The following MSN variants were observed in gnomAD, a reference collection of about 807,000 sequenced individuals.
MSN encodes the protein epididymis luminal protein 70.
Under a neutral mutation model 48.0 loss-of-function variants are expected in MSN, and 2 were observed. That is an observed-to-expected ratio of 0.04 (90% CI 0.02 to 0.13). The LOEUF is 0.13. Ranked by LOEUF, MSN falls within the 10% of genes least tolerant of loss-of-function variation. The pLI is 1.00. For synonymous variants in MSN, 146 were observed against 166.9 expected (o/e 0.87, Z 0.97); for missense variants, 267 against 470.1 (o/e 0.57, Z 3.99).
intron 1 of MSN, among the ~76,000 whole-genome samples, chrX:65,603,495 C>T (rs2070254632): frequency 9.0e-6 from 1 of 111,637 alleles, no homozygotes; most frequent in Admixed American, 9.6e-5. Context: ...CTGGAAATGA[C>T]AGATCCAGGT....
intron 1 of MSN, among the ~76,000 whole-genome samples, chrX:65,619,996 G>T (rs2070420167): frequency 9.0e-6 from 1 of 111,671 alleles, no homozygotes; most frequent in South Asian, 3.7e-4. Context: ...CCCTGCTGGG[G>T]GGTGCCTCCC....
At chrX:65,599,754 G>A (rs1352126986) in intron 1 of MSN, among the ~76,000 whole-genome samples, 2 of 111,843 alleles carry the variant, frequency 1.8e-5, no homozygotes, top group South Asian at 3.7e-4. Context: ...GCTAAGCAAG[G>A]TGTCATCTGC....
chrX:65,669,721 T>C (rs2070911548), intron 1 of MSN, among the ~76,000 whole-genome samples: 1 of 111,191 alleles, frequency 9.0e-6, no homozygotes, highest in Admixed American at 9.6e-5. Context: ...ATACTTTGAC[T>C]CAAGGAATGG....
intron 1 of MSN, among the ~76,000 whole-genome samples, chrX:65,657,273 C>T (rs2070788789): frequency 1.8e-5 from 2 of 111,382 alleles, no homozygotes; most frequent in Admixed American, 9.5e-5. Flanking sequence ...AAGGGGAGCT[C>T]GAGGGGAGAG....
intron 9 of MSN, 38 bp from the exon 10 acceptor site, chrX:65,737,140 G>T (rs746575376): frequency 2.5e-6 from 3 of 1,184,377 alleles, no homozygotes; most frequent in Admixed American, 4.7e-5. Context: ...CTTTATCTCT[G>T]TGCTCTTCAC....
chrX:65,690,832 C>T (rs2071164938), intron 1 of MSN, among the ~76,000 whole-genome samples: 1 of 111,894 alleles, frequency 8.9e-6, no homozygotes, highest in African/African-American at 3.3e-5. Context: ...CTGCTACTAT[C>T]CTTTCAGAGT....
At chrX:65,670,896 TTATATATATATATATATATA>T (rs57076717) in intron 1 of MSN, among the ~76,000 whole-genome samples, 544 of 14,053 alleles carry the variant, frequency 0.039, 10 homozygotes, top group Middle Eastern at 0.17. Flanking sequence ...ATGATGACAG[TTATATATATATATATATATA>T]TATATATATA....
intron 1 of MSN, among the ~76,000 whole-genome samples, chrX:65,629,782 C>T (rs1387151830): frequency 4.5e-5 from 5 of 111,938 alleles, no homozygotes; most frequent in African/African-American, 1.3e-4. Context: ...ACACCCCCAC[C>T]GGTCCCCACC....
At chrX:65,671,308 C>T (rs1377293349) in intron 1 of MSN, among the ~76,000 whole-genome samples, 3 of 110,113 alleles carry the variant, frequency 2.7e-5, no homozygotes, top group African/African-American at 9.9e-5. Flanking sequence ...GGGTTTTAGC[C>T]ATAGATCAAC....
intron 1 of MSN, among the ~76,000 whole-genome samples, chrX:65,606,888 G>C (rs887807349): frequency 8.9e-6 from 1 of 112,452 alleles, no homozygotes; most frequent in Non-Finnish European, 1.9e-5. Flanking sequence ...GCAAGTTACT[G>C]TTCTAGGAGC....
intron 2 of MSN, among the ~76,000 whole-genome samples, chrX:65,724,511 A>T (rs1457016468): frequency 1.8e-5 from 2 of 111,175 alleles, no homozygotes; most frequent in Admixed American, 9.5e-5. Context: ...GTGCAAAAAG[A>T]GGCTAACGGT....
At chrX:65,677,361 G>A (rs747557870) in intron 1 of MSN, among the ~76,000 whole-genome samples, 1 of 112,526 alleles carries the variant, frequency 8.9e-6, no homozygotes, top group African/African-American at 3.2e-5. Context: ...GTAGATACTT[G>A]TGGGAGACTG....
At chrX:65,595,369 A>G (rs1354722822) in intron 1 of MSN, among the ~76,000 whole-genome samples, 4 of 111,815 alleles carry the variant, frequency 3.6e-5, no homozygotes, top group Non-Finnish European at 7.5e-5. Flanking sequence ...CGTACTGGCC[A>G]TGCTCTCTGC....
rs746013081 is a variant in MSN at position 65,738,869 on chromosome X, A to G, written c.1345-101A>G. 5.3e-5 allele frequency: 45 copies of G among 855,990 alleles called. No homozygotes were observed. In the Admixed American group the frequency reaches 6.0e-4, roughly 11 times the overall value. The allele number at this position is 855,990 out of a possible 1,213,427, so 70.5% of individuals were successfully genotyped here. On this transcript the variant is annotated intron_variant, in intron 11 of 12. Coordinates refer to ENST00000360270, the MANE Select transcript of MSN (RefSeq NM_002444.3). Reference sequence around the variant, plus strand: ...TCAGGCAGATGAAGTGCCTTGTCCTACCTGGTGCCTGCCTCTTGCCAGACC... The same window carrying G: ...TCAGGCAGATGAAGTGCCTTGTCCTGCCTGGTGCCTGCCTCTTGCCAGACC...
intron 1 of MSN, among the ~76,000 whole-genome samples, chrX:65,641,410 A>G (rs1234491191): frequency 2.7e-4 from 27 of 101,081 alleles, no homozygotes; most frequent in Non-Finnish European, 5.2e-4. Context: ...TGCGCCTGTA[A>G]TCCCAGCTAC....
chrX:65,653,137 GT>G (rs767057848), intron 1 of MSN, among the ~76,000 whole-genome samples: 13 of 111,652 alleles, frequency 1.2e-4, no homozygotes, highest in Non-Finnish European at 2.1e-4. Context: ...GGAGTTGGGA[GT>G]GGTGTGTGTG....
Position 65,608,315 on chromosome X carries a change from C to T in MSN, c.-22+19703C>T, listed in dbSNP as rs760555740. Among the ~76,000 whole-genome samples the T allele has an allele frequency of 7.2e-5, 8 of 111,118 alleles. No individual in the cohort carries two copies. In the East Asian group the frequency reaches 1.4e-3, roughly 20 times the overall value. On this transcript the variant is annotated intron_variant, in intron 1 of 3. Transcript: ENST00000609672. ...CAGGGTGAGTGAAGAACCTCTGTAC[C>T]CAGTTTTGTTGCTAGAACACAGTTG...
chrX:65,590,255 C>T lies in MSN; in HGVS notation c.-22+1643C>T, dbSNP rs184277572. ...GGCTTATTGGGGCCTGGCAGAAGCA[C>T]CCCTGGCACCTTGCTGCTGGCTCAA... On this transcript the variant is annotated intron_variant, in intron 1 of 3. Transcript: ENST00000609672. Among the ~76,000 whole-genome samples, 660 of 111,351 alleles carry T rather than the reference C, an allele frequency of 5.9e-3. 1 individual carries two copies. The highest frequency in any genetic ancestry group is 8.7e-3 in the Non-Finnish European group (460 of 53,013).
upstream of MSN, among the ~76,000 whole-genome samples, chrX:65,662,891 C>T (rs771333960): frequency 1.2e-4 from 13 of 112,252 alleles, no homozygotes; most frequent in African/African-American, 4.2e-4. Flanking sequence ...ATTCAACTGA[C>T]AAGGGCTTAA....
Sources: allele counts gnomAD v4.1 joint callset (sites outside exome capture counted in the v4.1 genomes callset), GRCh38; gene constraint gnomAD v4.1.1; transcripts MANE v1.5; gene names NCBI Gene and HGNC (gene_info 2026-07-23, HGNC 2026-07-21).